JHY: variants seen among roughly 807,000 people sequenced by gnomAD.
JHY encodes the protein junctional cadherin complex regulator.
A neutral mutation model predicts 78.0 loss-of-function variants in JHY; 69 were observed. The ratio of observed to expected loss-of-function variants is 0.88; its 90% CI spans 0.73 to 1.08. JHY has a LOEUF of 1.08. JHY is among the 50% of genes least tolerant of loss of function. JHY has a pLI of 0.00. For missense variants in JHY, 944 were observed against 927.8 expected (o/e 1.02, Z -0.23); for synonymous variants, 368 against 342.6 (o/e 1.07, Z -0.82).
In JHY at chr11:122,948,467, T is replaced by TC. The variant is rs1242240895; in HGVS notation, c.1929+1675_1929+1676insC. Among the ~76,000 whole-genome samples, 1,094 of 149,046 alleles carry TC rather than the reference T, an allele frequency of 7.3e-3. 12 individuals carry two copies. The highest frequency in any genetic ancestry group is 0.025 in the African/African-American group (1,010 of 40,748). ...TTAATAATAATAATAATAATAATAA[T>TC]AATAATAATAATGATTTCTACTAGG... On this transcript the variant is annotated intron_variant, in intron 6 of 8. Transcript: ENST00000227349.
At chr11:122,908,982 C>T (rs1863053381) in intron 3 of JHY, among the ~76,000 whole-genome samples, 1 of 152,184 alleles carries the variant, frequency 6.6e-6, no homozygotes, top group African/African-American at 2.4e-5. Context: ...CTGTTCCTCT[C>T]ATTACTCTTA....
chr11:122,958,744 T>C (rs1359345380), intron 8 of JHY: 3 of 985,080 alleles, frequency 3.0e-6, no homozygotes, highest in Non-Finnish European at 3.6e-6. Context: ...TAGATTGCTA[T>C]AGAAAGAAAA....
chr11:122,957,507 C>T lies in JHY; in HGVS notation c.2139+16C>T, dbSNP rs764220758. 7.2e-7 allele frequency: 1 copy of T among 1,388,966 alleles called. No individual in the cohort carries two copies. Among genetic ancestry groups the T allele is most frequent in the Non-Finnish European group, 9.5e-7 (1 of 1,056,462 alleles). 86.0% of individuals were successfully genotyped at this position (1,388,966 alleles called of 1,614,324 possible). A position where few individuals can be genotyped will look rare whatever the true frequency, so the allele number is the denominator to read the frequency against. The stretch of plus-strand genomic sequence containing the variant: ...TCGGCAGAAGGTAAGAAATTCTCAA[C>T]AAGGCATTTATTTTTTCAAGCAGAA... On this transcript the variant is annotated intron_variant, in intron 8 of 8. Coordinates refer to ENST00000227349, the MANE Select transcript of JHY (RefSeq NM_024806.4).
rs188076000 is a variant in JHY, at chr11:122,907,690, C to T, written c.864+3246C>T. Among the ~76,000 whole-genome samples the T allele has an allele frequency of 2.1e-3, 322 of 152,036 alleles. 1 individual carries two copies. The highest frequency in any genetic ancestry group is 7.3e-3 in the African/African-American group (304 of 41,498). On this transcript the variant is annotated intron_variant, in intron 3 of 8. Coordinates refer to ENST00000227349, the MANE Select transcript of JHY (RefSeq NM_024806.4). ...AGAAAACCCGTCTCTATTAAAAATA[C>T]GAAATTAGCCTGGCATGGTGGAGCA...
chr11:122,911,140 A>G (rs149411670), intron 3 of JHY, among the ~76,000 whole-genome samples: 3 of 152,346 alleles, frequency 2.0e-5, no homozygotes, highest in South Asian at 2.1e-4. Context: ...TGAAAAATCA[A>G]CTACCTTTCT....
chr11:122,909,616 T>TA (rs1335890190), intron 3 of JHY, among the ~76,000 whole-genome samples: 1 of 151,868 alleles, frequency 6.6e-6, no homozygotes, highest in Non-Finnish European at 1.5e-5. Flanking sequence ...CCATGTATAT[T>TA]AAAAATACAA....
At chr11:122,942,860 T>C (rs1863901549) in intron 5 of JHY, among the ~76,000 whole-genome samples, 1 of 152,168 alleles carries the variant, frequency 6.6e-6, no homozygotes. Context: ...ATTTTTATTA[T>C]TGTTTAGTTC....
In JHY at chr11:122,960,612, A is replaced by T. The variant is rs1258693309; in HGVS notation, c.*1167A>T. The T allele has an allele frequency of 3.4e-6, 1 of 296,974 alleles. No individual in the cohort carries two copies. Among genetic ancestry groups the T allele is most frequent in the Non-Finnish European group, 6.8e-6 (1 of 146,126 alleles). The allele number at this position is 296,974 out of a possible 1,614,324, so 18.4% of individuals were successfully genotyped here. On this transcript the variant is annotated 3_prime_UTR_variant, in exon 9 of 9. Transcript: ENST00000227349. ...GTATGCTTTATCCAAAGAAATATAC[A>T]TGATTACCCCAGAGACCTTTTCTAC...
intron 2 of JHY, among the ~76,000 whole-genome samples, chr11:122,890,942 A>G (rs1862602385): frequency 6.6e-6 from 1 of 152,206 alleles, no homozygotes; most frequent in Admixed American, 6.5e-5. Flanking sequence ...ATTTGGGTAA[A>G]TAATGCCTCA....
chr11:122,887,613 G>T (rs1440799301), intron 2 of JHY, among the ~76,000 whole-genome samples: 1 of 151,564 alleles, frequency 6.6e-6, no homozygotes, highest in Non-Finnish European at 1.5e-5. Context: ...GAGCCACTGT[G>T]CCCGGCCGAT....
At chr11:122,913,542 C>G (rs1323960649) in intron 3 of JHY, among the ~76,000 whole-genome samples, 1 of 152,194 alleles carries the variant, frequency 6.6e-6, no homozygotes, top group Non-Finnish European at 1.5e-5. Context: ...TGGCCATACT[C>G]CAGGAACTCA....
intron 2 of JHY, among the ~76,000 whole-genome samples, chr11:122,890,330 A>G (rs1202709500): frequency 3.3e-5 from 5 of 152,182 alleles, no homozygotes; most frequent in Non-Finnish European, 7.4e-5. Flanking sequence ...TGAAGCTTTA[A>G]AAGTTATATT....
At chr11:122,951,790 A>G (rs1441471076) in intron 6 of JHY, among the ~76,000 whole-genome samples, 2 of 152,196 alleles carry the variant, frequency 1.3e-5, no homozygotes, top group Non-Finnish European at 2.9e-5. Flanking sequence ...AAAGCAATCA[A>G]GTGTGAACAC....
Position 122,905,719 on chromosome 11 carries a change from T to C in JHY, c.864+1275T>C. On this transcript the variant is annotated intron_variant, in intron 3 of 8. Coordinates refer to ENST00000227349, the MANE Select transcript of JHY (RefSeq NM_024806.4). ...CCATCTATACCAAAAATACAAAAAT[T>C]AGCCGGGTGTGGTGATGCACACCTG... The C allele has an allele frequency of 9.5e-6, 4 of 420,882 alleles. No individual in the cohort carries two copies. In the South Asian group the frequency reaches 3.9e-4, roughly 41 times the overall value. The allele number at this position is 420,882 out of a possible 1,614,324, so 26.1% of individuals were successfully genotyped here.
intron 8 of JHY, chr11:122,959,032 C>T (rs1864250099): frequency 1.0e-6 from 1 of 981,802 alleles, no homozygotes; most frequent in Non-Finnish European, 1.2e-6. Flanking sequence ...TATTATTCTT[C>T]AACTCCTTTT....
At chr11:122,891,365 A>G (rs1044712015) in intron 2 of JHY, among the ~76,000 whole-genome samples, 2 of 152,120 alleles carry the variant, frequency 1.3e-5, no homozygotes, top group African/African-American at 4.8e-5. Flanking sequence ...ATGAGAGAAA[A>G]CCTTTTACTT....
At position 122,960,726 on chromosome 11, in the gene JHY, A is replaced by T. The variant is rs1037272101; in HGVS notation, c.*1281A>T. ...TGCTTATCAACTCAATGAGCAAAACATTGCCCAACTAGAAGAGGTGAAGCA... is the reference window on the plus strand; with the variant it reads ...TGCTTATCAACTCAATGAGCAAAACTTTGCCCAACTAGAAGAGGTGAAGCA... On this transcript the variant is annotated 3_prime_UTR_variant, in exon 9 of 9. Coordinates refer to ENST00000227349, the MANE Select transcript of JHY (RefSeq NM_024806.4). The T allele has an allele frequency of 2.2e-6, 1 of 444,560 alleles. No individual in the cohort carries two copies. The highest frequency in any genetic ancestry group is 7.5e-4 in the Middle Eastern group (1 of 1,326). 27.5% of individuals were successfully genotyped at this position (444,560 alleles called of 1,614,324 possible).
At chr11:122,957,554 C>G in intron 8 of JHY, 63 bp downstream of exon 8, 3 of 750,380 alleles carry the variant, frequency 4.0e-6, no homozygotes, top group Non-Finnish European at 5.7e-6. Flanking sequence ...CTTTTATTAT[C>G]GCTTTTTTTT....
intron 3 of JHY, among the ~76,000 whole-genome samples, chr11:122,916,962 A>G (rs868130921): frequency 2.2e-4 from 34 of 151,796 alleles, no homozygotes; most frequent in South Asian, 1.0e-3. Context: ...GCTTCCCCTA[A>G]TCTTTTATAG....
Sources: gnomAD v4.1 joint callset for allele counts (sites outside exome capture counted in the v4.1 genomes callset) on GRCh38, gnomAD v4.1.1 for gene constraint, MANE v1.5 for transcripts, NCBI Gene and HGNC (gene_info 2026-07-23, HGNC 2026-07-21) for gene names.